Variants in SPRY4 observed in about 807,000 individuals in gnomAD.
The protein encoded by SPRY4 is protein sprouty homolog 4.
SPRY4 carries 7 observed loss-of-function variants against 17.0 expected under a neutral mutation model. The ratio of observed to expected loss-of-function variants is 0.41; its 90% CI spans 0.23 to 0.77. The LOEUF is 0.77. Among genes scored for constraint, SPRY4 ranks in the 30% least tolerant of loss-of-function variants. The probability of loss-of-function intolerance (pLI) is 0.32; values close to 1 mark genes in which losing one functional copy is unlikely to be tolerated. For missense variants in SPRY4, 435 were observed against 419.9 expected, an observed-to-expected ratio of 1.04 and a Z score of -0.31; for synonymous variants, 183 against 174.1, an observed-to-expected ratio of 1.05 and a Z score of -0.40.
At chr5:142,324,638 T>A (rs945498586) in intron 1 of SPRY4, among the ~76,000 whole-genome samples, 1 of 152,086 alleles carries the variant, frequency 6.6e-6, no homozygotes, top group Non-Finnish European at 1.5e-5. Context: ...GGTGCCAGGC[T>A]GTGAACACCC....
At chr5:142,315,833 G>A (rs1442715680) in intron 1 of SPRY4, 1 of 152,172 alleles carries the variant, frequency 6.6e-6, no homozygotes, top group Non-Finnish European at 1.5e-5. Context: ...TAGATCTCCT[G>A]AGCACTTACA....
chr5:142,323,689 AAGG>A (rs1759428739), intron 1 of SPRY4, among the ~76,000 whole-genome samples: 1 of 151,896 alleles, frequency 6.6e-6, no homozygotes, highest in African/African-American at 2.4e-5. Flanking sequence ...GCCCCCAATC[AAGG>A]AGAATTGAGA....
rs746027967 is a variant in SPRY4, at chr5:142,314,485, G to A, written c.624C>T (p.Tyr208=). 5 of 1,614,086 alleles carry A rather than the reference G, an allele frequency of 3.1e-6. No individual in the cohort carries two copies. The highest frequency in any genetic ancestry group is 4.2e-6 in the Non-Finnish European group (5 of 1,180,050). ...CCTCATCGTCCTCATTCGTGCAGTG[G>A]TAGAAGATGCCCTGCACCAAACACA... ...TCMCLVQGIF[Y]HCTNEDDEGS... The change falls in exon 2 of 2, where the codon TAC becomes TAT. Residue 208 remains tyrosine, a synonymous_variant. Coordinates refer to ENST00000434127, the MANE Select transcript of SPRY4 (RefSeq NM_001127496.3). The surrounding 1 kb of genome is among the most constrained non-coding windows in gnomAD (Gnocchi z 4.8).
chr5:142,319,850 T>TC, intron 1 of SPRY4: 2 of 1,535,524 alleles, frequency 1.3e-6, no homozygotes, highest in Non-Finnish European at 1.8e-6. Context: ...GGATGCCTAA[T>TC]CCCACCCACC....
At chr5:142,318,641 G>A (rs1237861838) in intron 1 of SPRY4, among the ~76,000 whole-genome samples, 2 of 152,152 alleles carry the variant, frequency 1.3e-5, no homozygotes, top group African/African-American at 4.8e-5. Context: ...CCCCTGCAAG[G>A]TAGTAAGAGA....
chr5:142,320,646 G>A (rs1459032492), intron 1 of SPRY4, among the ~76,000 whole-genome samples: 1 of 152,152 alleles, frequency 6.6e-6, no homozygotes, highest in African/African-American at 2.4e-5. Context: ...CAGTAAAGAA[G>A]GAGTCAGAAG....
chr5:142,317,091 A>G, intron 1 of SPRY4: 1 of 985,480 alleles, frequency 1.0e-6, no homozygotes, highest in Non-Finnish European at 1.2e-6. Context: ...GCCACCAAAG[A>G]GTAGCCACTT....
chr5:142,320,518 G>GA (rs911445856), intron 1 of SPRY4, among the ~76,000 whole-genome samples: 1 of 152,072 alleles, frequency 6.6e-6, no homozygotes, highest in African/African-American at 2.4e-5. Flanking sequence ...GGAAGGGTGG[G>GA]AATCTTGCTG....
At chr5:142,324,331 A>G (rs972060854) in intron 1 of SPRY4, 1 of 152,288 alleles carries the variant, frequency 6.6e-6, no homozygotes, top group Non-Finnish European at 1.5e-5. Context: ...CCGAAGAGAA[A>G]GAAAAAATCT....
At chr5:142,318,974 T>C (rs1373633205) in intron 1 of SPRY4, among the ~76,000 whole-genome samples, 1 of 152,170 alleles carries the variant, frequency 6.6e-6, no homozygotes, top group Non-Finnish European at 1.5e-5. Context: ...ATCCTCACCA[T>C]ACTTCAAGAG....
In SPRY4 at chr5:142,314,409, G is replaced by A. The variant is rs911410685; in HGVS notation, c.700C>T (p.Arg234Cys). Residue 234 changes from arginine (R) to cysteine (C), a missense_variant, in exon 2 of 2, where the codon CGC becomes TGC. Transcript: ENST00000434127. This position sits in a 1 kb window ranked among gnomAD's most constrained non-coding sequence, Gnocchi z 4.8. ...GAGAGAGCACCCATGAAGGACCAGC[G>A]GGCGCAGCAGTTGGAGCGGGAGCAG... ...CSCSRSNCCA[R>C]WSFMGALSVV... is the part of the protein sequence containing the mutation. 18 of 1,613,920 alleles carry A rather than the reference G, an allele frequency of 1.1e-5. No homozygotes were observed. Among genetic ancestry groups the A allele is most frequent in the East Asian group, 2.2e-5 (1 of 44,852 alleles).
At chr5:142,320,913 G>A (rs977495858) in intron 1 of SPRY4, among the ~76,000 whole-genome samples, 15 of 152,148 alleles carry the variant, frequency 9.9e-5, no homozygotes, top group Non-Finnish European at 1.9e-4. Flanking sequence ...TTCTGCAAGT[G>A]GCCACCTGCC....
intron 1 of SPRY4, among the ~76,000 whole-genome samples, chr5:142,322,486 ATATAT>A (rs1759379203): frequency 7.5e-5 from 10 of 132,836 alleles, no homozygotes; most frequent in Admixed American, 5.1e-4. Context: ...AAAAAAAAAT[ATATAT>A]ATATATATAT....
chr5:142,314,189 T>G lies in SPRY4; in HGVS notation c.*20A>C. The G allele has an allele frequency of 6.3e-7, 1 of 1,590,812 alleles. No homozygotes were observed. ...AGAACCAGGTTTCCAGGCAGAGCAC[T>G]GGGGCTTCGACACAAACTGTCAGAA... On this transcript the variant is annotated 3_prime_UTR_variant, in exon 2 of 2. Transcript: ENST00000434127. This position sits in a 1 kb window ranked among gnomAD's most constrained non-coding sequence, Gnocchi z 4.8.
chr5:142,319,748 G>C (rs545800185), intron 1 of SPRY4: 1 of 1,612,482 alleles, frequency 6.2e-7, no homozygotes, highest in South Asian at 1.1e-5. Flanking sequence ...TTGTACCTGT[G>C]GGGAGGGGGC....
chr5:142,318,791 G>C (rs542970033), intron 1 of SPRY4, among the ~76,000 whole-genome samples: 1 of 152,186 alleles, frequency 6.6e-6, no homozygotes, highest in East Asian at 1.9e-4. Flanking sequence ...ATCAAGTTTA[G>C]GTGGTACTCT....
chr5:142,314,128 C>T lies in SPRY4; in HGVS notation c.*81G>A, dbSNP rs934022286. 3.6e-5 allele frequency: 52 copies of T among 1,457,380 alleles called. No individual in the cohort carries two copies. Among genetic ancestry groups the T allele is most frequent in the Admixed American group, 2.1e-4 (10 of 46,904 alleles). 90.3% of individuals were successfully genotyped at this position (1,457,380 alleles called of 1,614,324 possible). ...AAGGTCAGCCTCAGGAGGCTAAAAC[C>T]TCTGACCTTGCTGCAGTCTTCTTAG... is the stretch of plus-strand genomic sequence containing the variant. On this transcript the variant is annotated 3_prime_UTR_variant, in exon 2 of 2. Coordinates refer to ENST00000434127, the MANE Select transcript of SPRY4 (RefSeq NM_001127496.3). This position sits in a 1 kb window ranked among gnomAD's most constrained non-coding sequence, Gnocchi z 4.8.
At chr5:142,323,722 A>G (rs1759429978) in intron 1 of SPRY4, among the ~76,000 whole-genome samples, 1 of 152,078 alleles carries the variant, frequency 6.6e-6, no homozygotes, top group South Asian at 2.1e-4. Flanking sequence ...CTTGCACAAG[A>G]GCAGCTACTG....
rs576588130 is a variant in SPRY4, at chr5:142,311,259, C to G, written c.*2950G>C. 3 of 152,198 alleles carry G rather than the reference C, an allele frequency of 2.0e-5. No individual in the cohort carries two copies. The highest frequency in any genetic ancestry group is 7.2e-5 in the African/African-American group (3 of 41,436). 9.4% of individuals were successfully genotyped at this position (152,198 alleles called of 1,614,324 possible). A position where few individuals can be genotyped will look rare whatever the true frequency, so the allele number is the denominator to read the frequency against. On this transcript the variant is annotated 3_prime_UTR_variant, in exon 2 of 2. Transcript: ENST00000434127. ...CCAGTTCCCAGGGTGCTCGCGGAAG[C>G]GCTGTCCTTCATTAACACGGGCAGC...
Sources: gnomAD v4.1 joint callset for allele counts (sites outside exome capture counted in the v4.1 genomes callset) on GRCh38, gnomAD v4.1.1 for gene constraint, Gnocchi (gnomAD v3.1) non-coding constraint, MANE v1.5 for transcripts, NCBI Gene and HGNC (gene_info 2026-07-23, HGNC 2026-07-21) for gene names.